The following AGBL1 variants were observed in gnomAD, a reference collection of about 807,000 sequenced individuals.
The protein encoded by AGBL1 is AGBL carboxypeptidase 1, also known as cytosolic carboxypeptidase 4.
AGBL1 carries 130 observed loss-of-function variants against 118.9 expected under a neutral mutation model. The observed-to-expected ratio is 1.09, with a 90% CI of 0.95 to 1.26. The LOEUF (loss-of-function observed/expected upper bound fraction) is 1.26. Among genes scored for constraint, AGBL1 ranks in the 50% most tolerant of loss-of-function variants. The pLI is 0.00. For synonymous variants in AGBL1, 555 were observed against 478.9 expected (o/e 1.16, Z -2.08); for missense variants, 1,584 against 1,298.1 (o/e 1.22, Z -3.38).
rs116251629 is a variant in AGBL1 at position 86,923,096 on chromosome 15, G to A, written c.3222-64891G>A. The stretch of plus-strand genomic sequence containing the variant: ...TGGTGGCAGGGATGCAATCGCTGAA[G>A]CTGGATATCACTAATGTGGTGATGT... On this transcript the variant is annotated intron_variant, in intron 23 of 24. Coordinates refer to the AGBL1 transcript ENST00000441037. 6.6e-3 allele frequency among the ~76,000 whole-genome samples: 1,002 copies of A among 152,296 alleles called. 7 individuals are homozygous for A. Among genetic ancestry groups the A allele is most frequent in the African/African-American group, 0.022 (912 of 41,558 alleles).
intron 21 of AGBL1, among the ~76,000 whole-genome samples, chr15:86,565,251 T>C (rs1050631658): frequency 6.6e-6 from 1 of 152,208 alleles, no homozygotes; most frequent in Non-Finnish European, 1.5e-5. Context: ...TTTTTCCCCA[T>C]CTTTGTGGTT....
chr15:86,099,387 G>T (rs966787301), intron 1 of AGBL1, among the ~76,000 whole-genome samples: 1 of 151,998 alleles, frequency 6.6e-6, no homozygotes, highest in South Asian at 2.1e-4. Context: ...AAATGCTACC[G>T]ATTTTTTGTG....
At chr15:86,135,424 T>G (rs187730172) in intron 1 of AGBL1, among the ~76,000 whole-genome samples, 61 of 152,274 alleles carry the variant, frequency 4.0e-4, no homozygotes, top group African/African-American at 1.4e-3. Flanking sequence ...ACTAAAACAC[T>G]GACACATAGT....
At chr15:86,220,881 A>C (rs1391918094) in intron 5 of AGBL1, among the ~76,000 whole-genome samples, 1 of 152,148 alleles carries the variant, frequency 6.6e-6, no homozygotes, top group Non-Finnish European at 1.5e-5. Context: ...CACTCTAAGA[A>C]AACAGTGCCC....
At chr15:87,007,166 C>T (rs1474570236) in intron 24 of AGBL1, among the ~76,000 whole-genome samples, 1 of 152,040 alleles carries the variant, frequency 6.6e-6, no homozygotes, top group African/African-American at 2.4e-5. Context: ...GTTTGGTATT[C>T]ATTTGAAATA....
intron 19 of AGBL1, among the ~76,000 whole-genome samples, chr15:86,542,976 T>C (rs2083526089): frequency 6.6e-6 from 1 of 152,212 alleles, no homozygotes; most frequent in Admixed American, 6.5e-5. Context: ...AAACTGATAC[T>C]CTTTACCTTT....
At chr15:86,084,251 G>A (rs1222110400) in intron 1 of AGBL1, among the ~76,000 whole-genome samples, 1 of 152,166 alleles carries the variant, frequency 6.6e-6, no homozygotes, top group Admixed American at 6.5e-5. Flanking sequence ...CTTTAAGTGG[G>A]GAGAACTCTT....
At chr15:87,022,228 C>A (rs151261957) in intron 24 of AGBL1, among the ~76,000 whole-genome samples, 4,301 of 152,114 alleles carry the variant, frequency 0.028, 86 homozygotes, top group Middle Eastern at 0.058. Flanking sequence ...AACCAGAAAA[C>A]CAACTCTGGT....
chr15:86,675,016 T>C (rs2085813849), intron 22 of AGBL1, among the ~76,000 whole-genome samples: 2 of 152,150 alleles, frequency 1.3e-5, no homozygotes, highest in Non-Finnish European at 2.9e-5. Flanking sequence ...AGAACCATTA[T>C]CCAAATGAGC....
chr15:86,440,575 C>T (rs1241249821), intron 18 of AGBL1, among the ~76,000 whole-genome samples: 1 of 151,988 alleles, frequency 6.6e-6, no homozygotes, highest in Non-Finnish European at 1.5e-5. Flanking sequence ...TAGCCACAAT[C>T]TCATTTATTC....
chr15:86,190,302 C>T (rs964891925), intron 5 of AGBL1, among the ~76,000 whole-genome samples: 1 of 152,050 alleles, frequency 6.6e-6, no homozygotes, highest in Non-Finnish European at 1.5e-5. Flanking sequence ...ACATTTTTCT[C>T]ACATATATTT....
intron 21 of AGBL1, among the ~76,000 whole-genome samples, chr15:86,559,290 T>C (rs923880365): frequency 7.2e-5 from 11 of 152,154 alleles, no homozygotes; most frequent in African/African-American, 2.4e-4. Flanking sequence ...ATTTGGGCAT[T>C]GGGCAAGATA....
At chr15:86,601,822 T>A (rs1011307118) in intron 21 of AGBL1, among the ~76,000 whole-genome samples, 1 of 152,158 alleles carries the variant, frequency 6.6e-6, no homozygotes. Flanking sequence ...TTATCATCAT[T>A]ACTCCATCCA....
chr15:86,872,714 C>T (rs2079747196), intron 22 of AGBL1, among the ~76,000 whole-genome samples: 1 of 152,156 alleles, frequency 6.6e-6, no homozygotes, highest in African/African-American at 2.4e-5. Context: ...TGAGATAGAG[C>T]CACTGCACTC....
intron 22 of AGBL1, among the ~76,000 whole-genome samples, chr15:86,815,451 A>G (rs996266284): frequency 6.6e-6 from 1 of 152,142 alleles, no homozygotes; most frequent in Non-Finnish European, 1.5e-5. Context: ...AAACGTGTGT[A>G]AGAGAGATTA....
In AGBL1 at chr15:86,393,428, T is replaced by C. The variant is rs557848932; in HGVS notation, c.2375-3938T>C. ...GGGCTGAAAGCACTTACTATTGTTG[T>C]CCAATATGCTGCAAATGAACATAGT... On this transcript the variant is annotated intron_variant, in intron 17 of 22. Transcript: ENST00000614907. 4.6e-5 allele frequency among the ~76,000 whole-genome samples: 7 copies of C among 152,308 alleles called. No homozygotes were observed. In the South Asian group the frequency reaches 8.3e-4, roughly 18 times the overall value.
chr15:86,964,090 G>C (rs2081024222), intron 23 of AGBL1, among the ~76,000 whole-genome samples: 1 of 151,390 alleles, frequency 6.6e-6, no homozygotes, highest in Admixed American at 6.6e-5. Context: ...GGAAGACTCG[G>C]TGTTATTATA....
At chr15:86,928,416 A>G (rs1485353218) in intron 23 of AGBL1, among the ~76,000 whole-genome samples, 1 of 152,192 alleles carries the variant, frequency 6.6e-6, no homozygotes, top group African/African-American at 2.4e-5. Flanking sequence ...GTCCAAATCA[A>G]TCCTGACAAT....
chr15:86,250,525 C>CAAAAAAAAAAAAAAAAAAAAAAAA (rs60432449), intron 7 of AGBL1, among the ~76,000 whole-genome samples: 1 of 38,950 alleles, frequency 2.6e-5, no homozygotes, highest in African/African-American at 9.6e-5. Flanking sequence ...GACTCTGTCT[C>CAAAAAAAAAAAAAAAAAAAAAAAA]AAAAAAAAAA....
Sources: gnomAD v4.1 joint callset for allele counts (sites outside exome capture counted in the v4.1 genomes callset) on GRCh38, gnomAD v4.1.1 for gene constraint, MANE v1.5 for transcripts, NCBI Gene and HGNC (gene_info 2026-07-23, HGNC 2026-07-21) for gene names.